SMC6: variants seen among roughly 807,000 people sequenced by gnomAD.
SMC6 encodes the protein structural maintenance of chromosomes protein 6.
A neutral mutation model predicts 142.2 loss-of-function variants in SMC6; 79 were observed. The observed-to-expected ratio is 0.56, with a 90% CI of 0.46 to 0.67. The LOEUF (loss-of-function observed/expected upper bound fraction) is 0.67. SMC6 is among the 30% of genes least tolerant of loss of function. The pLI is 0.00. For missense variants in SMC6, 1,072 were observed against 1,284.0 expected (o/e 0.83, Z 2.52); for synonymous variants, 411 against 412.4 (o/e 1.00, Z 0.04).
chr2:17,739,493 A>G (rs1004694573), intron 4 of SMC6, among the ~76,000 whole-genome samples: 7 of 151,430 alleles, frequency 4.6e-5, no homozygotes, highest in Non-Finnish European at 8.8e-5. Context: ...AAAAATACAA[A>G]AAGTAGCTGG....
At chr2:17,672,737 G>A (rs556218291) in intron 25 of SMC6, among the ~76,000 whole-genome samples, 3 of 152,046 alleles carry the variant, frequency 2.0e-5, no homozygotes, top group South Asian at 2.1e-4. Context: ...TCTCTCACTC[G>A]CCATTGTCAG....
At chr2:17,676,009 C>T (rs1027996303) in intron 25 of SMC6, among the ~76,000 whole-genome samples, 9 of 152,094 alleles carry the variant, frequency 5.9e-5, no homozygotes, top group Non-Finnish European at 1.3e-4. Flanking sequence ...GGTTGTGCTC[C>T]TCATATCTCA....
rs183015996 is a variant in SMC6, at chr2:17,746,905, G to C, written c.-5-954C>G. On this transcript the variant is annotated intron_variant, in intron 2 of 27. Coordinates refer to ENST00000448223, the MANE Select transcript of SMC6 (RefSeq NM_001142286.2). ...ATAAGAATATGAGGAACAGTTCTAG[G>C]CTCAATGTACTGAAATCCCCCAAAT... Among the ~76,000 whole-genome samples the C allele has an allele frequency of 7.9e-5, 12 of 152,118 alleles. No individual in the cohort carries two copies. The East Asian group carries it at 2.1e-3, about 27-fold the overall frequency.
At chr2:17,730,497 A>C (rs1669853619) in intron 7 of SMC6, among the ~76,000 whole-genome samples, 1 of 152,138 alleles carries the variant, frequency 6.6e-6, no homozygotes, top group South Asian at 2.1e-4. Context: ...ATCCTTATTA[A>C]GATAAATTTT....
In SMC6 at chr2:17,683,727, C is replaced by A. The variant is rs182849263; in HGVS notation, c.2715G>T (p.Leu905=). ...TTTTTAAAGTCCTCACTTTACTATC[C>A]AGATCAAGATAGGTCTCTCTTGCTT... ...YQEARETYLD[L]DSKVRTLKKF... Residue 905 remains leucine, a synonymous_variant, in exon 24 of 28, where the codon CTG becomes CTT. Transcript: ENST00000448223. The A allele has an allele frequency of 1.1e-4, 184 of 1,611,604 alleles. 2 individuals carry two copies. In the East Asian group the frequency reaches 4.1e-3, roughly 36 times the overall value.
chr2:17,752,532 GGCTTTTTGTGATATAAATACAC>G (rs1221593612), intron 2 of SMC6, among the ~76,000 whole-genome samples: 2 of 152,148 alleles, frequency 1.3e-5, no homozygotes, highest in Non-Finnish European at 2.9e-5. Context: ...ACACAATTCT[GGCTTTTTGTGATATAAATACAC>G]GCTTTTAGGC....
Position 17,665,424 on chromosome 2 carries a change from T to G in SMC6, c.*75A>C. On this transcript the variant is annotated 3_prime_UTR_variant, in exon 28 of 28. Transcript: ENST00000448223. ...CAGAATGCCTCCAGTCTCATTTTATTATATCAAAGAGTCCAGAATTTTTTT... is the reference window on the plus strand; with the variant it reads ...CAGAATGCCTCCAGTCTCATTTTATGATATCAAAGAGTCCAGAATTTTTTT... 1 of 840,172 alleles carries G rather than the reference T, an allele frequency of 1.2e-6. No individual in the cohort carries two copies. The highest frequency in any genetic ancestry group is 2.8e-5 in the East Asian group (1 of 35,572). The allele number at this position is 840,172 out of a possible 1,614,324, so 52.0% of individuals were successfully genotyped here. A position where few individuals can be genotyped will look rare whatever the true frequency, so the allele number is the denominator to read the frequency against.
At chr2:17,751,749 G>A (rs935462422) in intron 2 of SMC6, among the ~76,000 whole-genome samples, 6 of 152,188 alleles carry the variant, frequency 3.9e-5, no homozygotes, top group Non-Finnish European at 7.3e-5. Context: ...TGGACTTATC[G>A]TTGTGTATAA....
At position 17,721,268 on chromosome 2, in the gene SMC6, A is replaced by C; in HGVS notation, c.727-7T>G. The C allele has an allele frequency of 6.4e-7, 1 of 1,565,242 alleles. No individual in the cohort carries two copies. Among genetic ancestry groups the C allele is most frequent in the Non-Finnish European group, 8.6e-7 (1 of 1,164,714 alleles). On this transcript the variant is annotated splice_polypyrimidine_tract_variant and splice_region_variant and intron_variant, in intron 9 of 27. Coordinates refer to ENST00000448223, the MANE Select transcript of SMC6 (RefSeq NM_001142286.2). The stretch of plus-strand genomic sequence containing the variant: ...GCTTTAGTTCAGTAAGCCGCTTAAA[A>C]AAAGAAAACAGAACGGACGTATTTT...
chr2:17,705,334 T>C (rs1668454211), intron 18 of SMC6, among the ~76,000 whole-genome samples: 2 of 151,688 alleles, frequency 1.3e-5, no homozygotes, highest in African/African-American at 4.9e-5. Flanking sequence ...CTCAGCACTT[T>C]AGGAGGTGGA....
At chr2:17,741,856 G>T (rs1249768714) in intron 3 of SMC6, 127 bp from the exon 4 acceptor site, 2 of 566,484 alleles carry the variant, frequency 3.5e-6, no homozygotes, top group Admixed American at 3.0e-5. Flanking sequence ...GTGAATAATG[G>T]TAACTTCAAT....
chr2:17,670,228 A>G (rs910097865), intron 26 of SMC6, among the ~76,000 whole-genome samples, 195 bp downstream of exon 26: 1 of 152,198 alleles, frequency 6.6e-6, no homozygotes, highest in Non-Finnish European at 1.5e-5. Flanking sequence ...CAGGGTCTCT[A>G]GGGTTACTGT....
In SMC6 at chr2:17,685,622, T is replaced by C. The variant is rs56154526; in HGVS notation, c.2679-1859A>G. 5.9e-3 allele frequency among the ~76,000 whole-genome samples: 898 copies of C among 151,854 alleles called. 4 individuals carry two copies. Among genetic ancestry groups the C allele is most frequent in the Non-Finnish European group, 9.2e-3 (626 of 67,940 alleles). On this transcript the variant is annotated intron_variant, in intron 23 of 27. Coordinates refer to ENST00000448223, the MANE Select transcript of SMC6 (RefSeq NM_001142286.2). The stretch of plus-strand genomic sequence containing the variant: ...ATAAACTCCAAATAAATCACAGATA[T>C]ACAAAAATGGACATATAGAAGTACT...
intron 7 of SMC6, among the ~76,000 whole-genome samples, chr2:17,726,831 A>G (rs1013372737): frequency 7.9e-5 from 12 of 152,156 alleles, no homozygotes; most frequent in African/African-American, 2.9e-4. Context: ...GGACAGCAGA[A>G]TGGGAAGAGT....
At chr2:17,708,595 A>T (rs761916053) in intron 17 of SMC6, 44 bp downstream of exon 17, 1 of 1,075,302 alleles carries the variant, frequency 9.3e-7, no homozygotes, top group South Asian at 2.3e-5. Context: ...AGTTTTAAAA[A>T]TTTAACAATA....
At chr2:17,684,798 C>T (rs770857708) in intron 23 of SMC6, among the ~76,000 whole-genome samples, 1 of 152,110 alleles carries the variant, frequency 6.6e-6, no homozygotes, top group South Asian at 2.1e-4. Flanking sequence ...TGCACTCCAG[C>T]CTGGGTGACA....
intron 20 of SMC6, among the ~76,000 whole-genome samples, chr2:17,700,668 A>G (rs1668223894): frequency 6.6e-6 from 1 of 152,178 alleles, no homozygotes; most frequent in African/African-American, 2.4e-5. Flanking sequence ...TATACAATAT[A>G]TATCTTGTGC....
At chr2:17,709,484 A>G (rs1444077639) in intron 16 of SMC6, among the ~76,000 whole-genome samples, 2 of 152,208 alleles carry the variant, frequency 1.3e-5, no homozygotes, top group South Asian at 2.1e-4. Context: ...GGAGCAATGA[A>G]TGGCTGAGGA....
At chr2:17,689,366 G>A (rs1245892477) in intron 23 of SMC6, among the ~76,000 whole-genome samples, 3 of 152,156 alleles carry the variant, frequency 2.0e-5, no homozygotes, top group African/African-American at 7.2e-5. Flanking sequence ...GTGGAGAACC[G>A]TCAACATTGG....
Sources: gnomAD v4.1 joint callset for allele counts (sites outside exome capture counted in the v4.1 genomes callset) on GRCh38, gnomAD v4.1.1 for gene constraint, MANE v1.5 for transcripts, NCBI Gene and HGNC (gene_info 2026-07-23, HGNC 2026-07-21) for gene names.